ANO1: variants seen among roughly 807,000 people sequenced by gnomAD.
ANO1 encodes the protein anoctamin 1.
A neutral mutation model predicts 124.0 loss-of-function variants in ANO1; 59 were observed. That is an observed-to-expected ratio of 0.48 (90% confidence interval 0.39 to 0.59). ANO1 has a LOEUF of 0.59. Among genes scored for constraint, ANO1 ranks in the 20% least tolerant of loss-of-function variants. ANO1 has a pLI of 0.00. For synonymous variants in ANO1, 529 were observed against 532.0 expected (o/e 0.99, Z 0.08); for missense variants, 1,059 against 1,328.0 (o/e 0.80, Z 3.15).
chr11:69,969,172 C>G, the ANO1 span, among the ~76,000 whole-genome samples: 197 of 152,306 alleles, frequency 1.3e-3, 7 homozygotes, highest in South Asian at 0.04. Flanking sequence ...CGGGAGGGTC[C>G]CTCATAGGGG....
At chr11:70,018,362 A>G (rs1555002246) in intron 1 of ANO1, 1 of 152,088 alleles carries the variant, frequency 6.6e-6, no homozygotes. Context: ...GTCTCTATGA[A>G]AAAAAAATAA....
chr11:70,057,540 T>TG (rs1329999598), intron 1 of ANO1, among the ~76,000 whole-genome samples: 3 of 150,990 alleles, frequency 2.0e-5, no homozygotes, highest in Non-Finnish European at 2.9e-5. Flanking sequence ...CAAAGGGAGA[T>TG]GGGGTGGGGC....
At chr11:69,974,849 C>T in the ANO1 span, among the ~76,000 whole-genome samples, 4 of 148,668 alleles carry the variant, frequency 2.7e-5, no homozygotes, top group Non-Finnish European at 4.4e-5. Context: ...GATCGGAGTC[C>T]GGTTCTTATC....
At chr11:70,065,294 G>A (rs552714762) in intron 1 of ANO1, 9 of 152,370 alleles carry the variant, frequency 5.9e-5, no homozygotes, top group African/African-American at 1.9e-4. Flanking sequence ...CAGCGGTTGG[G>A]GTCTCCTGGA....
intron 1 of ANO1, among the ~76,000 whole-genome samples, chr11:70,048,084 A>T (rs1378905542): frequency 6.6e-6 from 1 of 152,218 alleles, no homozygotes; most frequent in Admixed American, 6.5e-5. Context: ...GAAAATAGAA[A>T]CTTTCCGTTT....
chr11:70,079,084 G>C (rs2135168372), intron 1 of ANO1, among the ~76,000 whole-genome samples: 1 of 152,242 alleles, frequency 6.6e-6, no homozygotes, highest in Admixed American at 6.5e-5. Context: ...TTCCCTTCCT[G>C]GCTCGCGGCC....
At chr11:70,078,764 T>A in intron 1 of ANO1, 50 bp downstream of exon 1, 2 of 1,288,072 alleles carry the variant, frequency 1.6e-6, no homozygotes, top group Non-Finnish European at 2.0e-6. Context: ...CACCTGCGCC[T>A]TGGCGAGGGC....
intron 1 of ANO1, chr11:70,056,606 A>T (rs1857439538): frequency 6.6e-6 from 1 of 152,134 alleles, no homozygotes. Context: ...TAAAACTGGC[A>T]TTATGCAAAT....
intron 10 of ANO1, among the ~76,000 whole-genome samples, chr11:70,130,811 C>T (rs1042243376): frequency 2.6e-5 from 4 of 152,208 alleles, no homozygotes; most frequent in Non-Finnish European, 4.4e-5. Flanking sequence ...GGTGGGCCTC[C>T]GCTGCACCGG....
At chr11:70,125,843 C>CAAAAA (rs35617632) in intron 9 of ANO1, among the ~76,000 whole-genome samples, 1 of 77,742 alleles carries the variant, frequency 1.3e-5, no homozygotes, top group Non-Finnish European at 2.8e-5. Context: ...GACTCCATCT[C>CAAAAA]AAAAAAAAAC....
Position 70,060,484 on chromosome 11 carries a change from T to A in ANO1, c.59-18058T>A, listed in dbSNP as rs558802097. ...AAACACAGTCGTGTGGTTCAGGACT[T>A]GTGTTGGGTGCTAAGTGAGAAACTG... is the stretch of plus-strand genomic sequence containing the variant. On this transcript the variant is annotated intron_variant, in intron 1 of 27. Coordinates refer to the ANO1 transcript ENST00000531349. 9.8e-4 allele frequency among the ~76,000 whole-genome samples: 150 copies of A among 152,312 alleles called. 1 individual carries two copies. Among genetic ancestry groups the A allele is most frequent in the African/African-American group, 3.6e-3 (148 of 41,564 alleles).
chr11:70,010,514 T>C (rs1856583333), intron 1 of ANO1, among the ~76,000 whole-genome samples: 1 of 151,930 alleles, frequency 6.6e-6, no homozygotes, highest in Non-Finnish European at 1.5e-5. Context: ...GGGGATCACA[T>C]TTAAACATGA....
chr11:70,167,957 C>T (rs902293565), intron 21 of ANO1, among the ~76,000 whole-genome samples: 13 of 152,180 alleles, frequency 8.5e-5, no homozygotes, highest in South Asian at 2.1e-4. Flanking sequence ...GCAGGAGCCA[C>T]GACTTGCTCA....
At position 70,056,830 on chromosome 11, in the gene ANO1, CTTTT is replaced by C. The variant is rs200523204; in HGVS notation, c.59-21698_59-21695del. Among the ~76,000 whole-genome samples, 100 of 140,360 alleles carry C rather than the reference CTTTT, an allele frequency of 7.1e-4. 2 individuals are homozygous for C. Among genetic ancestry groups the C allele is most frequent in the African/African-American group, 1.9e-3 (71 of 37,564 alleles). The allele number at this position is 140,360 out of a possible 152,430, so 92.1% of individuals were successfully genotyped here. On this transcript the variant is annotated intron_variant, in intron 1 of 27. Coordinates refer to the ANO1 transcript ENST00000531349. ...TCATGGTCTTTTCTGTGTTTTACAT[CTTTT>C]TTTTTTTTTTTTTCCTGTGCTTCAA...
At chr11:70,035,995 G>A (rs142691528) in intron 1 of ANO1, among the ~76,000 whole-genome samples, 4 of 152,270 alleles carry the variant, frequency 2.6e-5, no homozygotes, top group African/African-American at 4.8e-5. Context: ...ACATGTGCAC[G>A]TGTCTTTATA....
chr11:70,148,054 G>A (rs144969944), intron 11 of ANO1, among the ~76,000 whole-genome samples: 10 of 152,286 alleles, frequency 6.6e-5, no homozygotes, highest in South Asian at 4.2e-4. Flanking sequence ...TTCGCACCTC[G>A]CCTTAAAGGG....
chr11:70,083,883 C>T (rs2044275893), intron 1 of ANO1, among the ~76,000 whole-genome samples: 1 of 152,194 alleles, frequency 6.6e-6, no homozygotes, highest in Non-Finnish European at 1.5e-5. Context: ...GGCTCAGAGG[C>T]AGTCCCAGCA....
rs1352746403 is a variant in ANO1, at chr11:70,083,241, C to T, written c.109-4511C>T. Among the ~76,000 whole-genome samples, 7 of 152,260 alleles carry T rather than the reference C, an allele frequency of 4.6e-5. No individual in the cohort carries two copies. In the East Asian group the frequency reaches 1.4e-3, roughly 29 times the overall value. On this transcript the variant is annotated intron_variant, in intron 1 of 25. Coordinates refer to ENST00000355303, the MANE Select transcript of ANO1 (RefSeq NM_018043.7). ...TCTATGCTAGGCCCTGTTGGAAACT[C>T]TTTACAAGATATATTAACAGGTTTC...
At chr11:70,137,230 G>C (rs1565237816) in intron 11 of ANO1, among the ~76,000 whole-genome samples, 1 of 146,594 alleles carries the variant, frequency 6.8e-6, no homozygotes, top group African/African-American at 2.4e-5. Context: ...CACTGTATCC[G>C]AACAGCGGAG....
Sources: gnomAD v4.1 joint callset for allele counts (sites outside exome capture counted in the v4.1 genomes callset) on GRCh38, gnomAD v4.1.1 for gene constraint, MANE v1.5 for transcripts, NCBI Gene and HGNC (gene_info 2026-07-23, HGNC 2026-07-21) for gene names.